Variants in HMCN1 observed in about 807,000 individuals in gnomAD.
The protein encoded by HMCN1 is hemicentin-1.
In HMCN1, 321 loss-of-function variants were observed where a neutral mutation model predicts 625.9. The observed-to-expected ratio is 0.51, with a 90% CI of 0.47 to 0.56. The LOEUF is 0.56. Ranked by LOEUF, HMCN1 falls within the 20% of genes least tolerant of loss-of-function variation. The pLI is 0.00. For synonymous variants in HMCN1, 2,425 were observed against 2,417.6 expected, an observed-to-expected ratio of 1.00 and a Z score of -0.09; for missense variants, 6,588 against 6,887.3, an observed-to-expected ratio of 0.96 and a Z score of 1.54.
chr1:185,865,637 A>C, intron 3 of HMCN1, 104 bp from the exon 4 acceptor site: 1 of 836,794 alleles, frequency 1.2e-6, no homozygotes, highest in Non-Finnish European at 1.9e-6. Context: ...ACACATTCAC[A>C]TATTCTACTT....
Position 186,082,927 on chromosome 1 carries a change from G to T in HMCN1, c.8850G>T (p.Gly2950=). The T allele has an allele frequency of 6.3e-7, 1 of 1,592,884 alleles. No individual in the cohort carries two copies. Among genetic ancestry groups the T allele is most frequent in the Non-Finnish European group, 8.6e-7 (1 of 1,168,124 alleles). Residue 2950 remains glycine, a synonymous_variant, in exon 57 of 107, where the codon GGG becomes GGT. Coordinates refer to ENST00000271588, the MANE Select transcript of HMCN1 (RefSeq NM_031935.3). The part of the protein sequence containing the change: ...RYVCVAENTA[G]SAKKYFNLNV... ...TGTGTGTTGCTGAGAACACAGCTGG[G>T]AGTGCCAAAAAATATTTTAACCTCA...
Position 186,122,995 on chromosome 1 carries a change from G to A in HMCN1, c.12274G>A (p.Val4092Met). ...SPHLKEYVIA[V>M]DKPITLSCEA... ...TCATCTAAAGGAATATGTTATTGCT[G>A]TGGACAAGCCCATCACGTTATCCTG... The change falls in exon 81 of 107, where the codon GTG becomes ATG. Residue 4092 changes from valine (V) to methionine (M), a missense_variant. This residue lies in a region of HMCN1 where 1,954 missense variants were observed against 2,013.1 expected (regional missense o/e 0.97). Coordinates refer to ENST00000271588, the MANE Select transcript of HMCN1 (RefSeq NM_031935.3). 3 of 1,614,044 alleles carry A rather than the reference G, an allele frequency of 1.9e-6. No homozygotes were observed. The highest frequency in any genetic ancestry group is 8.5e-7 in the Non-Finnish European group (1 of 1,180,004).
intron 4 of HMCN1, among the ~76,000 whole-genome samples, chr1:185,886,090 A>C (rs1455288709): frequency 6.6e-6 from 1 of 152,132 alleles, no homozygotes; most frequent in Non-Finnish European, 1.5e-5. Context: ...TCAGTGATGA[A>C]GACTACAGAT....
At chr1:185,778,431 T>C in intron 1 of HMCN1, among the ~76,000 whole-genome samples, 1 of 151,906 alleles carries the variant, frequency 6.6e-6, no homozygotes, top group East Asian at 1.9e-4. Flanking sequence ...TGCGCCATGT[T>C]GGTGTGCTGC....
intron 89 of HMCN1, 38 bp from the exon 90 acceptor site, chr1:186,144,135 G>T (rs201418041): frequency 2.7e-4 from 411 of 1,549,632 alleles, no homozygotes; most frequent in Non-Finnish European, 3.4e-4. Flanking sequence ...AACAAACACG[G>T]TTCTGTGACT....
intron 4 of HMCN1, among the ~76,000 whole-genome samples, chr1:185,901,401 T>A (rs1665797167): frequency 1.3e-5 from 2 of 151,722 alleles, no homozygotes; most frequent in African/African-American, 2.4e-5. Flanking sequence ...TGAGGGGTGA[T>A]GGACATACAA....
intron 1 of HMCN1, among the ~76,000 whole-genome samples, chr1:185,784,766 T>C (rs1657442466): frequency 6.6e-6 from 1 of 152,200 alleles, no homozygotes; most frequent in Admixed American, 6.5e-5. Context: ...AAACTAATCA[T>C]GGTATCAATT....
intron 36 of HMCN1, among the ~76,000 whole-genome samples, chr1:186,029,002 G>T (rs575184309): frequency 6.6e-6 from 1 of 151,998 alleles, no homozygotes; most frequent in South Asian, 2.1e-4. Flanking sequence ...AAAGTCCTGG[G>T]ATTACAGGGG....
rs140279146 is a variant in HMCN1 at position 186,137,776 on chromosome 1, T to C, written c.13754-26T>C. The C allele has an allele frequency of 9.5e-5, 153 of 1,614,100 alleles. No individual in the cohort carries two copies. The African/African-American group carries it at 1.4e-3, about 15-fold the overall frequency. On this transcript the variant is annotated intron_variant, in intron 88 of 106. Coordinates refer to ENST00000271588, the MANE Select transcript of HMCN1 (RefSeq NM_031935.3). ...GTATTCCCAATTGAAATATACCTGA[T>C]GGTGTAATGGTTCACCTTTGTATAG...
chr1:186,151,513 T>A, intron 94 of HMCN1, 93 bp from the exon 95 acceptor site: 3 of 1,386,772 alleles, frequency 2.2e-6, no homozygotes, highest in South Asian at 2.4e-5. Context: ...TTCAACATTA[T>A]TTAGAATTCA....
At chr1:186,040,910 G>A (rs1308098131) in intron 39 of HMCN1, 103 bp from the exon 40 acceptor site, 1 of 1,265,910 alleles carries the variant, frequency 7.9e-7, no homozygotes, top group East Asian at 2.4e-5. Flanking sequence ...CTTCCTAAAA[G>A]GCAAATGTCA....
rs1668211344 is a variant in HMCN1, at chr1:185,944,020, T to TACCG, written c.1828+10199_1828+10202dup. On this transcript the variant is annotated intron_variant, in intron 11 of 106. Coordinates refer to ENST00000271588, the MANE Select transcript of HMCN1 (RefSeq NM_031935.3). ...CAAGGAAATAGAATCTCTGAAGGAT[T>TACCG]ACCGACTTTTCCTAGGTTACAAAGC... Among the ~76,000 whole-genome samples the TACCG allele has an allele frequency of 2.0e-5, 3 of 152,326 alleles. No homozygotes were observed. The South Asian group carries it at 6.2e-4, about 32-fold the overall frequency.
rs73062179 is a variant in HMCN1, at chr1:185,919,810, A to G, written c.901-2569A>G. Among the ~76,000 whole-genome samples the G allele has an allele frequency of 9.1e-3, 1,385 of 152,306 alleles. 20 individuals are homozygous for G. Among genetic ancestry groups the G allele is most frequent in the African/African-American group, 0.032 (1,328 of 41,546 alleles). On this transcript the variant is annotated intron_variant, in intron 6 of 106. Transcript: ENST00000271588. The stretch of plus-strand genomic sequence containing the variant: ...TTAACCTCTCTTATTCATGAAGTGA[A>G]GATGGTAATAATACTCTCTCACAGG...
intron 8 of HMCN1, 25 bp from the exon 9 acceptor site, chr1:185,925,022 T>G: frequency 6.4e-7 from 1 of 1,572,942 alleles, no homozygotes; most frequent in South Asian, 1.1e-5. Flanking sequence ...AAGTTTTTTG[T>G]TTTTGTTTTT....
intron 6 of HMCN1, among the ~76,000 whole-genome samples, chr1:185,918,202 G>A (rs1164277727): frequency 6.6e-6 from 1 of 152,150 alleles, no homozygotes; most frequent in Non-Finnish European, 1.5e-5. Flanking sequence ...CTCAAAAGCA[G>A]AGAAGCCGAC....
intron 99 of HMCN1, 69 bp from the exon 100 acceptor site, chr1:186,166,739 A>T: frequency 6.2e-7 from 1 of 1,609,780 alleles, no homozygotes; most frequent in South Asian, 1.1e-5. Context: ...TTGTATCCCT[A>T]TTTCACCGCA....
Position 186,115,433 on chromosome 1 carries a change from T to G in HMCN1, c.11561+19T>G. ...CATACAGGTAAGGATAATTTAAAAC[T>G]CCTACCAACTATTTACAAACAGTTT... On this transcript the variant is annotated intron_variant, in intron 75 of 106. Coordinates refer to ENST00000271588, the MANE Select transcript of HMCN1 (RefSeq NM_031935.3). 1 of 1,602,468 alleles carries G rather than the reference T, an allele frequency of 6.2e-7. No individual in the cohort carries two copies. The highest frequency in any genetic ancestry group is 1.1e-5 in the South Asian group (1 of 90,804).
At chr1:185,874,798 T>C (rs1663829722) in intron 4 of HMCN1, among the ~76,000 whole-genome samples, 1 of 151,976 alleles carries the variant, frequency 6.6e-6, no homozygotes, top group Admixed American at 6.6e-5. Flanking sequence ...GTTGGGTTAT[T>C]TCATTAAATT....
intron 97 of HMCN1, among the ~76,000 whole-genome samples, chr1:186,158,710 T>C (rs1421966922): frequency 6.6e-6 from 1 of 152,202 alleles, no homozygotes; most frequent in South Asian, 2.1e-4. Context: ...CCCCATTGCT[T>C]GTTTCTGGGA....
Sources: gnomAD v4.1 joint callset for allele counts (sites outside exome capture counted in the v4.1 genomes callset) on GRCh38, gnomAD v4.1.1 for gene constraint, gnomAD v4.1.1 regional missense constraint, MANE v1.5 for transcripts, NCBI Gene and HGNC (gene_info 2026-07-23, HGNC 2026-07-21) for gene names.